CACNB4: variants seen among roughly 807,000 people sequenced by gnomAD.
CACNB4 encodes voltage-dependent L-type calcium channel subunit beta-4.
CACNB4 carries 32 observed loss-of-function variants against 71.2 expected under a neutral mutation model. The ratio of observed to expected loss-of-function variants is 0.45; its 90% CI spans 0.34 to 0.60. The LOEUF is 0.60. Ranked by LOEUF, CACNB4 falls within the 20% of genes least tolerant of loss-of-function variation. The pLI, the probability that CACNB4 is intolerant of heterozygous loss-of-function variation, is 0.01. For missense variants in CACNB4, 464 were observed against 647.9 expected (o/e 0.72, Z 3.08); for synonymous variants, 231 against 236.9 (o/e 0.97, Z 0.23).
chr2:152,011,211 A>G (rs991279128), intron 2 of CACNB4, among the ~76,000 whole-genome samples: 41 of 152,100 alleles, frequency 2.7e-4, no homozygotes, highest in African/African-American at 8.7e-4. Flanking sequence ...TTCAAGAAAA[A>G]CTTTCAGCTC....
At position 151,840,564 on chromosome 2, in the gene CACNB4, G is replaced by A. The variant is rs111950130; in HGVS notation, c.1303-1185C>T. On this transcript the variant is annotated intron_variant, in intron 13 of 13. Coordinates refer to ENST00000539935, the MANE Select transcript of CACNB4 (RefSeq NM_000726.5). The stretch of plus-strand genomic sequence containing the variant: ...GTAATGTACACTCAGATCAGCCCAT[G>A]GGAAGTGAAACAAGGCATGAAATAG... 7.6e-3 allele frequency among the ~76,000 whole-genome samples: 1,160 copies of A among 152,292 alleles called. 15 individuals carry two copies. The highest frequency in any genetic ancestry group is 0.026 in the African/African-American group (1,099 of 41,556).
At chr2:152,054,326 A>G (rs1210010952) in intron 2 of CACNB4, among the ~76,000 whole-genome samples, 1 of 141,408 alleles carries the variant, frequency 7.1e-6, no homozygotes, top group Admixed American at 7.8e-5. Context: ...AGATCGCGCC[A>G]CTGCACTCCA....
At chr2:152,030,375 A>G (rs1398472470) in intron 2 of CACNB4, among the ~76,000 whole-genome samples, 1 of 152,258 alleles carries the variant, frequency 6.6e-6, no homozygotes, top group Non-Finnish European at 1.5e-5. Flanking sequence ...GAAATTTTAC[A>G]CAAGATCATC....
chr2:151,995,975 A>T (rs1418978372), intron 2 of CACNB4, among the ~76,000 whole-genome samples: 1 of 152,230 alleles, frequency 6.6e-6, no homozygotes, highest in East Asian at 1.9e-4. Context: ...CAAAGAGAAA[A>T]TCTACTTTTA....
chr2:151,950,622 A>G (rs2099866696), intron 2 of CACNB4, among the ~76,000 whole-genome samples: 1 of 152,262 alleles, frequency 6.6e-6, no homozygotes, highest in Non-Finnish European at 1.5e-5. Context: ...ATGGAATATT[A>G]TTCAGTCATA....
chr2:151,999,738 A>C (rs952961877), intron 2 of CACNB4, among the ~76,000 whole-genome samples: 15 of 152,186 alleles, frequency 9.9e-5, no homozygotes, highest in Non-Finnish European at 1.6e-4. Flanking sequence ...GCCACCCAAA[A>C]AGTTAATTGA....
chr2:151,958,218 T>C (rs903313947), intron 2 of CACNB4, among the ~76,000 whole-genome samples: 4 of 152,152 alleles, frequency 2.6e-5, no homozygotes, highest in African/African-American at 9.7e-5. Context: ...AAAAGAAATA[T>C]TTAATGTAAA....
At chr2:152,004,727 C>A (rs1294646800) in intron 2 of CACNB4, among the ~76,000 whole-genome samples, 1 of 152,194 alleles carries the variant, frequency 6.6e-6, no homozygotes, top group Non-Finnish European at 1.5e-5. Context: ...TCCCGCAGCA[C>A]CACTTAGCTG....
intron 2 of CACNB4, chr2:151,972,937 A>G (rs574987427): frequency 6.6e-6 from 1 of 152,336 alleles, no homozygotes; most frequent in South Asian, 2.1e-4. Context: ...AGATTCAATT[A>G]TCAGCTTTAC....
intron 2 of CACNB4, among the ~76,000 whole-genome samples, chr2:152,060,948 G>A (rs1685979502): frequency 6.6e-6 from 1 of 152,182 alleles, no homozygotes; most frequent in East Asian, 1.9e-4. Context: ...TATTATAGGT[G>A]ATCTTTATAC....
At chr2:151,875,089 T>C (rs2099845624) in intron 5 of CACNB4, 1 of 372,132 alleles carries the variant, frequency 2.7e-6, no homozygotes, top group East Asian at 3.9e-5. Flanking sequence ...CACAGGACAA[T>C]AGTGGAGGGA....
Position 151,962,597 on chromosome 2 carries a change from A to T in CACNB4, c.148-79227T>A, listed in dbSNP as rs184010189. Among the ~76,000 whole-genome samples the T allele has an allele frequency of 1.8e-4, 28 of 152,374 alleles. No individual in the cohort carries two copies. The East Asian group carries it at 5.4e-3, about 29-fold the overall frequency. On this transcript the variant is annotated intron_variant, in intron 2 of 13. Coordinates refer to ENST00000539935, the MANE Select transcript of CACNB4 (RefSeq NM_000726.5). Reference sequence around the variant, plus strand: ...GCTCATGGCTAAGGCCAAACGTAGCAGTAACTTGCAACTGTCATCAAGACC... The same window carrying T: ...GCTCATGGCTAAGGCCAAACGTAGCTGTAACTTGCAACTGTCATCAAGACC...
At chr2:151,965,675 C>A (rs1283294938) in intron 2 of CACNB4, among the ~76,000 whole-genome samples, 1 of 152,050 alleles carries the variant, frequency 6.6e-6, no homozygotes, top group Non-Finnish European at 1.5e-5. Context: ...AGCAGAATTA[C>A]CTTTCCTCAA....
intron 2 of CACNB4, among the ~76,000 whole-genome samples, chr2:151,975,155 G>A (rs532424477): frequency 3.9e-5 from 6 of 152,336 alleles, no homozygotes; most frequent in Non-Finnish European, 8.8e-5. Flanking sequence ...CCATTGAGAA[G>A]CTGCTTTGTC....
At chr2:151,942,446 G>T (rs891530123) in intron 2 of CACNB4, among the ~76,000 whole-genome samples, 1 of 148,968 alleles carries the variant, frequency 6.7e-6, no homozygotes, top group Non-Finnish European at 1.5e-5. Context: ...TGTACAAATT[G>T]ATTGTAAAAC....
At chr2:151,928,736 G>T (rs972390814) in intron 2 of CACNB4, among the ~76,000 whole-genome samples, 4 of 151,870 alleles carry the variant, frequency 2.6e-5, no homozygotes, top group South Asian at 2.1e-4. Flanking sequence ...ACCAGCCTGG[G>T]CAACATGGTG....
chr2:152,090,696 A>G (rs1687922512), intron 2 of CACNB4, among the ~76,000 whole-genome samples: 2 of 152,020 alleles, frequency 1.3e-5, no homozygotes, highest in Non-Finnish European at 2.9e-5. Context: ...AACTTACCTA[A>G]GTTTCAATAA....
At chr2:151,861,718 T>G (rs1350566492) in intron 9 of CACNB4, 1 of 151,862 alleles carries the variant, frequency 6.6e-6, no homozygotes, top group Non-Finnish European at 1.5e-5. Flanking sequence ...GGCACATGCC[T>G]GTAGTTCCAG....
rs773625599 is a variant in CACNB4 at position 151,839,334 on chromosome 2, T to C, written c.1348A>G (p.Ile450Val). Reference protein sequence around the residue: ...HSNHSTENSPIERRSLMTSDE... With the variant: ...HSNHSTENSPVERRSLMTSDE... ...GAGGTCATTAGACTTCGTCTTTCAA[T>C]TGGAGAGTTCTCTGTGGAGTGGTTG... Residue 450 changes from isoleucine (I) to valine (V), a missense_variant, in exon 14 of 14, where the codon ATT becomes GTT. Around this residue, in one of 3 missense-constraint regions of CACNB4, gnomAD observed 115 missense variants for 128.8 expected, o/e 0.89. Transcript: ENST00000539935. 1 of 1,613,154 alleles carries C rather than the reference T, an allele frequency of 6.2e-7. No individual in the cohort carries two copies. Among genetic ancestry groups the C allele is most frequent in the Admixed American group, 1.7e-5 (1 of 60,028 alleles).
Sources: allele counts gnomAD v4.1 joint callset (sites outside exome capture counted in the v4.1 genomes callset), GRCh38; gene constraint gnomAD v4.1.1; regional missense constraint gnomAD v4.1.1; transcripts MANE v1.5; gene names NCBI Gene and HGNC (gene_info 2026-07-23, HGNC 2026-07-21).